Variants in PLXNA4 observed in about 807,000 individuals in gnomAD.
The protein encoded by PLXNA4 is plexin A4, also known as plexin-A4.
Under a neutral mutation model 191.8 loss-of-function variants are expected in PLXNA4, and 44 were observed. The ratio of observed to expected loss-of-function variants is 0.23; its 90% CI spans 0.18 to 0.29. The LOEUF is 0.29. Ranked by LOEUF, PLXNA4 falls within the 10% of genes least tolerant of loss-of-function variation. PLXNA4 has a pLI of 1.00. For synonymous variants in PLXNA4, 1,082 were observed against 1,009.5 expected, an observed-to-expected ratio of 1.07 and a Z score of -1.36; for missense variants, 1,800 against 2,488.8, an observed-to-expected ratio of 0.72 and a Z score of 5.89.
chr7:132,467,470 C>T (rs927843277), intron 3 of PLXNA4, among the ~76,000 whole-genome samples: 14 of 152,174 alleles, frequency 9.2e-5, no homozygotes, highest in Non-Finnish European at 7.3e-5. Flanking sequence ...ATCCTAGGCT[C>T]TGAAAACTGG....
At position 132,381,111 on chromosome 7, in the gene PLXNA4, A is replaced by C. The variant is rs115288937; in HGVS notation, c.1372-82889T>G. On this transcript the variant is annotated intron_variant, in intron 3 of 31. Transcript: ENST00000321063. ...GATTATGGAGTATCTCCAGGATTCC[A>C]AGCACTCTGCTGGGCACTGTTACTG... Among the ~76,000 whole-genome samples, 376 of 152,368 alleles carry C rather than the reference A, an allele frequency of 2.5e-3. 2 individuals are homozygous for C. The highest frequency in any genetic ancestry group is 8.6e-3 in the African/African-American group (356 of 41,586).
At chr7:132,444,357 C>T (rs190480158) in intron 3 of PLXNA4, among the ~76,000 whole-genome samples, 102 of 152,350 alleles carry the variant, frequency 6.7e-4, no homozygotes, top group Admixed American at 5.5e-3. Context: ...TGGGTTCAAG[C>T]GATTCTCCTC....
chr7:132,350,797 G>C (rs1803451824), intron 3 of PLXNA4, among the ~76,000 whole-genome samples: 2 of 152,028 alleles, frequency 1.3e-5, no homozygotes, highest in Non-Finnish European at 2.9e-5. Context: ...ATATATGCAA[G>C]ACAAATGAAA....
chr7:132,551,905 AATTAGTGT>A (rs1800578351), intron 1 of PLXNA4, among the ~76,000 whole-genome samples: 1 of 152,158 alleles, frequency 6.6e-6, no homozygotes, highest in Non-Finnish European at 1.5e-5. Context: ...TGAACATACT[AATTAGTGT>A]ATTAATAAAT....
intron 12 of PLXNA4, among the ~76,000 whole-genome samples, chr7:132,202,076 G>A (rs1797455884): frequency 6.6e-6 from 1 of 152,100 alleles, no homozygotes; most frequent in Admixed American, 6.5e-5. Flanking sequence ...CTATTCTCTG[G>A]GACCCAGTGT....
At chr7:132,399,616 C>T (rs1793906116) in intron 3 of PLXNA4, among the ~76,000 whole-genome samples, 1 of 152,170 alleles carries the variant, frequency 6.6e-6, no homozygotes, top group East Asian at 1.9e-4. Flanking sequence ...CACACCTGGG[C>T]AGGGCTACAG....
chr7:132,569,439 C>T (rs1374662576), intron 1 of PLXNA4, among the ~76,000 whole-genome samples: 1 of 152,236 alleles, frequency 6.6e-6, no homozygotes, highest in East Asian at 1.9e-4. Flanking sequence ...GGCACAAGGC[C>T]CAGGCCCTCC....
At chr7:132,611,215 A>G (rs1803040618) in intron 2 of PLXNA4, among the ~76,000 whole-genome samples, 1 of 152,250 alleles carries the variant, frequency 6.6e-6, no homozygotes, top group Non-Finnish European at 1.5e-5. Flanking sequence ...GAACTTAAAT[A>G]TGTCGCCTCT....
chr7:132,263,280 C>A (rs1584917625), intron 4 of PLXNA4, among the ~76,000 whole-genome samples: 1 of 152,186 alleles, frequency 6.6e-6, no homozygotes, highest in African/African-American at 2.4e-5. Context: ...ACTGGCCATG[C>A]CAAATGTGTT....
rs151326811 is a variant in PLXNA4, at chr7:132,540,208, G to C, written c.-86-31429C>G. On this transcript the variant is annotated intron_variant, in intron 1 of 31. Transcript: ENST00000321063. ...GTTTCGGAGCTATCCAGAGCATGCA[G>C]CATGTCTCTGCCTAGAGAATACGCT... Among the ~76,000 whole-genome samples, 781 of 152,240 alleles carry C rather than the reference G, an allele frequency of 5.1e-3. 3 individuals are homozygous for C. Among genetic ancestry groups the C allele is most frequent in the Middle Eastern group, 0.044 (13 of 294 alleles).
intron 4 of PLXNA4, among the ~76,000 whole-genome samples, chr7:132,254,832 C>T (rs912433915): frequency 7.2e-5 from 11 of 152,124 alleles, no homozygotes; most frequent in African/African-American, 2.2e-4. Context: ...GATCTATATC[C>T]GACTAAGGCT....
At chr7:132,560,556 G>T (rs1392872545) in intron 1 of PLXNA4, among the ~76,000 whole-genome samples, 4 of 152,126 alleles carry the variant, frequency 2.6e-5, no homozygotes, top group Non-Finnish European at 5.9e-5. Flanking sequence ...AACAGCACTA[G>T]GTAAGCATGA....
intron 3 of PLXNA4, among the ~76,000 whole-genome samples, chr7:132,317,835 T>C (rs1802006166): frequency 6.6e-6 from 1 of 152,140 alleles, no homozygotes; most frequent in Admixed American, 6.5e-5. Flanking sequence ...CTCCCTCAGC[T>C]GGCTCAGGTT....
intron 3 of PLXNA4, among the ~76,000 whole-genome samples, chr7:132,323,369 G>A (rs1802251131): frequency 6.6e-6 from 1 of 152,260 alleles, no homozygotes; most frequent in Non-Finnish European, 1.5e-5. Flanking sequence ...ACAAAGTAGA[G>A]TGTACTTGCA....
At chr7:132,552,554 G>A (rs906802732) in intron 1 of PLXNA4, among the ~76,000 whole-genome samples, 1 of 152,194 alleles carries the variant, frequency 6.6e-6, no homozygotes, top group Non-Finnish European at 1.5e-5. Flanking sequence ...ATTTCCTGTA[G>A]CACACCCCAT....
chr7:132,611,736 T>C (rs923135197), intron 2 of PLXNA4, among the ~76,000 whole-genome samples: 1 of 152,204 alleles, frequency 6.6e-6, no homozygotes, highest in African/African-American at 2.4e-5. Context: ...CAGATACCTG[T>C]AGTGAGAGAG....
intron 21 of PLXNA4, among the ~76,000 whole-genome samples, chr7:132,170,584 A>T (rs10274815): frequency 0.84 from 127,745 of 152,266 alleles, 53,784 homozygotes; most frequent in African/African-American, 0.92. Flanking sequence ...CATTACCAAT[A>T]CCCTGTGTTC....
chr7:132,146,819 G>A, intron 27 of PLXNA4, 119 bp from the exon 28 acceptor site: 1 of 1,520,972 alleles, frequency 6.6e-7, no homozygotes, highest in Non-Finnish European at 8.8e-7. Flanking sequence ...CCTGCCATTG[G>A]TCGGTGCTGT....
chr7:132,142,529 A>G (rs1327026916), intron 29 of PLXNA4, among the ~76,000 whole-genome samples: 1 of 152,238 alleles, frequency 6.6e-6, no homozygotes, highest in African/African-American at 2.4e-5. Context: ...TTAATACAGG[A>G]AAACCTAATG....
Sources: allele counts gnomAD v4.1 joint callset (sites outside exome capture counted in the v4.1 genomes callset), GRCh38; gene constraint gnomAD v4.1.1; transcripts MANE v1.5; gene names NCBI Gene and HGNC (gene_info 2026-07-23, HGNC 2026-07-21).